Variants in NFAT5 observed in about 807,000 individuals in gnomAD.
The protein encoded by NFAT5 is nuclear factor of activated T cells 5.
NFAT5 carries 31 observed loss-of-function variants against 166.5 expected under a neutral mutation model. The ratio of observed to expected loss-of-function variants is 0.19; its 90% CI spans 0.14 to 0.25. The LOEUF is 0.25. Ranked by LOEUF, NFAT5 falls within the 10% of genes least tolerant of loss-of-function variation. The pLI, the probability that NFAT5 is intolerant of heterozygous loss-of-function variation, is 1.00. For synonymous variants in NFAT5, 612 were observed against 639.7 expected, an observed-to-expected ratio of 0.96 and a Z score of 0.65; for missense variants, 1,449 against 1,821.8, an observed-to-expected ratio of 0.80 and a Z score of 3.72.
intron 2 of NFAT5, among the ~76,000 whole-genome samples, chr16:69,618,624 C>T (rs1039472995): frequency 6.6e-6 from 1 of 152,146 alleles, no homozygotes; most frequent in Non-Finnish European, 1.5e-5. Context: ...TTGGAATTTA[C>T]CAGCTGATTG....
Position 69,693,458 on chromosome 16 carries a change from T to C in NFAT5, c.3633T>C (p.Thr1211=), listed in dbSNP as rs2151722377. ...AAGCTCCAATATCACACATCCAGAC[T>C]CCTATGCTTTCCCAAGAACAGGCAC... is the stretch of plus-strand genomic sequence containing the variant. ...QQQAPISHIQ[T]PMLSQEQAQP... Residue 1211 remains threonine (T), a synonymous_variant, in exon 13 of 15, where the codon ACT becomes ACC. Transcript: ENST00000349945. 6.2e-7 allele frequency: 1 copy of C among 1,614,124 alleles called. No individual in the cohort carries two copies. Among genetic ancestry groups the C allele is most frequent in the Non-Finnish European group, 8.5e-7 (1 of 1,180,036 alleles).
At chr16:69,585,234 C>G (rs780226894) in intron 2 of NFAT5, among the ~76,000 whole-genome samples, 1 of 151,840 alleles carries the variant, frequency 6.6e-6, no homozygotes, top group African/African-American at 2.4e-5. Flanking sequence ...TGGTCTTGAT[C>G]CCCTGACCTC....
At position 69,630,713 on chromosome 16, in the gene NFAT5, TTTTG is replaced by T. The variant is rs1176390428; in HGVS notation, c.253+4189_253+4192del. Reference sequence around the variant, plus strand: ...AGAAGTACAAATCATGAAAAGATTCTTTTGTTTATTTTTTGGATAATCCTATAGT... The same window carrying T: ...AGAAGTACAAATCATGAAAAGATTCTTTTATTTTTTGGATAATCCTATAGT... On this transcript the variant is annotated intron_variant, in intron 3 of 14. Coordinates refer to ENST00000349945, the MANE Select transcript of NFAT5 (RefSeq NM_138713.4). 2.6e-5 allele frequency among the ~76,000 whole-genome samples: 4 copies of T among 152,340 alleles called. No individual in the cohort carries two copies. The East Asian group carries it at 5.8e-4, about 22-fold the overall frequency.
rs189120465 is a variant in NFAT5 at position 69,648,556 on chromosome 16, G to A, written c.812+970G>A. ...TTTGAGTTTTCTTTCATCTCTGCCA[G>A]TCACACTACCCACTAATATAGTTCA... On this transcript the variant is annotated intron_variant, in intron 4 of 14. Transcript: ENST00000349945. 8.3e-4 allele frequency: 816 copies of A among 984,902 alleles called. 2 individuals carry two copies. The highest frequency in any genetic ancestry group is 2.1e-3 in the Middle Eastern group (4 of 1,914). 61.0% of individuals were successfully genotyped at this position (984,902 alleles called of 1,614,324 possible).
chr16:69,583,743 A>C (rs1178651006), intron 2 of NFAT5, among the ~76,000 whole-genome samples: 1 of 152,178 alleles, frequency 6.6e-6, no homozygotes, highest in South Asian at 2.1e-4. Flanking sequence ...AATGCTTTGT[A>C]TTTGAAAGGT....
chr16:69,580,463 G>T (rs532823636), intron 2 of NFAT5, among the ~76,000 whole-genome samples: 1 of 151,966 alleles, frequency 6.6e-6, no homozygotes, highest in African/African-American at 2.4e-5. Context: ...CCCAGGAGGT[G>T]GAGGTTGTGG....
At chr16:69,584,931 C>T (rs1024572045) in intron 2 of NFAT5, among the ~76,000 whole-genome samples, 5 of 152,112 alleles carry the variant, frequency 3.3e-5, no homozygotes, top group African/African-American at 7.2e-5. Flanking sequence ...TATATATTCA[C>T]AAATATAAAT....
intron 10 of NFAT5, among the ~76,000 whole-genome samples, chr16:69,682,463 A>G (rs914983507): frequency 3.3e-5 from 5 of 149,272 alleles, no homozygotes; most frequent in Non-Finnish European, 6.0e-5. Flanking sequence ...ACAAAGAAAA[A>G]ATAATACTAA....
At chr16:69,683,649 A>G (rs895899276) in intron 10 of NFAT5, among the ~76,000 whole-genome samples, 1 of 152,206 alleles carries the variant, frequency 6.6e-6, no homozygotes, top group Non-Finnish European at 1.5e-5. Context: ...ATTTAGGCCC[A>G]TTAAATTTAT....
At chr16:69,613,383 C>T (rs2033792603) in intron 2 of NFAT5, among the ~76,000 whole-genome samples, 2 of 152,094 alleles carry the variant, frequency 1.3e-5, no homozygotes, top group Admixed American at 1.3e-4. Context: ...CATTTCTTTG[C>T]TTAAAACCCT....
intron 2 of NFAT5, among the ~76,000 whole-genome samples, chr16:69,577,269 C>CCCT (rs1370875690): frequency 6.6e-6 from 1 of 152,086 alleles, no homozygotes. Flanking sequence ...TAGAAGTTAA[C>CCCT]CCTCCCCCTG....
At chr16:69,607,407 C>T (rs2033471714) in intron 2 of NFAT5, among the ~76,000 whole-genome samples, 1 of 152,166 alleles carries the variant, frequency 6.6e-6, no homozygotes, top group Admixed American at 6.5e-5. Context: ...AGAGAGATTA[C>T]AATAAATACT....
rs1341263366 is a variant in NFAT5 at position 69,677,197 on chromosome 16, CAT to C, written c.1558-5_1558-4del. ...TTTCCAACTCTTGTGCTTTTCTTTA[CAT>C]TAGAATCATCTTATTGTGAAGGTTC... On this transcript the variant is annotated splice_polypyrimidine_tract_variant and splice_region_variant and intron_variant, in intron 9 of 14. Transcript: ENST00000349945. 1 of 1,597,730 alleles carries C rather than the reference CAT, an allele frequency of 6.3e-7. No homozygotes were observed. Among genetic ancestry groups the C allele is most frequent in the Non-Finnish European group, 8.5e-7 (1 of 1,175,892 alleles).
intron 2 of NFAT5, among the ~76,000 whole-genome samples, chr16:69,582,192 GA>G (rs1240290152): frequency 6.6e-6 from 1 of 152,156 alleles, no homozygotes; most frequent in East Asian, 1.9e-4. Context: ...TTGAACCTAG[GA>G]GGGGGATGTT....
Position 69,566,773 on chromosome 16 carries a change from C to T in NFAT5, c.73+399C>T, listed in dbSNP as rs1052353005. On this transcript the variant is annotated intron_variant, in intron 1 of 14. Transcript: ENST00000349945. The surrounding 1 kb of genome is among the most constrained non-coding windows in gnomAD (Gnocchi z 5.7). ...CCGCGATCGGGGCGCCGCGTCTTCTCTTACCGGGACCCTCCTCCCCAGCAA... is the reference window on the plus strand; with the variant it reads ...CCGCGATCGGGGCGCCGCGTCTTCTTTTACCGGGACCCTCCTCCCCAGCAA... Among the ~76,000 whole-genome samples the T allele has an allele frequency of 4.6e-5, 7 of 152,176 alleles. No individual in the cohort carries two copies. Among genetic ancestry groups the T allele is most frequent in the Non-Finnish European group, 8.8e-5 (6 of 68,026 alleles).
chr16:69,618,145 C>T (rs867941520), intron 2 of NFAT5, among the ~76,000 whole-genome samples: 18 of 138,618 alleles, frequency 1.3e-4, no homozygotes, highest in African/African-American at 2.2e-4. Flanking sequence ...GCAACAACAG[C>T]GAAACTCCAT....
rs1340595771 is a variant in NFAT5, at chr16:69,703,917, C to T, written c.*7566C>T. On this transcript the variant is annotated 3_prime_UTR_variant, in exon 15 of 15. Transcript: ENST00000349945. ...TTCTCCCTCCCTCTCCCCTTCCTTT[C>T]TCTCTCTTCCAGAAGTCATTTGCCT... 3.9e-5 allele frequency: 6 copies of T among 152,590 alleles called. No homozygotes were observed. The highest frequency in any genetic ancestry group is 8.8e-5 in the Non-Finnish European group (6 of 68,046). The allele number at this position is 152,590 out of a possible 1,614,324, so 9.5% of individuals were successfully genotyped here. A position where few individuals can be genotyped will look rare whatever the true frequency, so the allele number is the denominator to read the frequency against.
At chr16:69,641,867 G>A (rs1597455899) in intron 3 of NFAT5, among the ~76,000 whole-genome samples, 2 of 152,262 alleles carry the variant, frequency 1.3e-5, no homozygotes, top group East Asian at 3.9e-4. Flanking sequence ...GGAGGCTGAG[G>A]TGGGAGAATC....
At chr16:69,594,021 T>C (rs1332872647) in intron 2 of NFAT5, among the ~76,000 whole-genome samples, 2 of 152,220 alleles carry the variant, frequency 1.3e-5, no homozygotes, top group African/African-American at 2.4e-5. Flanking sequence ...ATTGGAACTT[T>C]TCTGCAGTCC....
Sources: gnomAD v4.1 joint callset for allele counts (sites outside exome capture counted in the v4.1 genomes callset) on GRCh38, gnomAD v4.1.1 for gene constraint, Gnocchi (gnomAD v3.1) non-coding constraint, MANE v1.5 for transcripts, NCBI Gene and HGNC (gene_info 2026-07-23, HGNC 2026-07-21) for gene names.